TRMT10A: variants seen among roughly 807,000 people sequenced by gnomAD.
The protein encoded by TRMT10A is tRNA methyltransferase 10 homolog A.
TRMT10A carries 37 observed loss-of-function variants against 40.4 expected under a neutral mutation model. The ratio of observed to expected loss-of-function variants is 0.92; its 90% confidence interval spans 0.71 to 1.21. The LOEUF (loss-of-function observed/expected upper bound fraction) is 1.21. TRMT10A is among the 50% of genes most tolerant of loss of function. The pLI is 0.00. For missense variants in TRMT10A, 388 were observed against 404.3 expected (o/e 0.96, Z 0.35); for synonymous variants, 103 against 134.1 (o/e 0.77, Z 1.60).
At chr4:99,561,322 G>C (rs1435498639) in intron 1 of TRMT10A, among the ~76,000 whole-genome samples, 1 of 152,074 alleles carries the variant, frequency 6.6e-6, no homozygotes, top group Non-Finnish European at 1.5e-5. Flanking sequence ...ACACCAGGGG[G>C]AGCATATGCC....
intron 1 of TRMT10A, among the ~76,000 whole-genome samples, chr4:99,562,499 G>A (rs1006935691): frequency 6.9e-6 from 1 of 145,154 alleles, no homozygotes; most frequent in Non-Finnish European, 1.5e-5. Context: ...ACTTGACAGC[G>A]ATAGCAAAGG....
intron 7 of TRMT10A, 142 bp downstream of exon 7, chr4:99,550,743 T>C (rs1723928741): frequency 6.2e-6 from 4 of 647,820 alleles, no homozygotes; most frequent in Non-Finnish European, 1.0e-5. Context: ...ATTATTTCTG[T>C]TAAACAAATT....
intron 1 of TRMT10A, among the ~76,000 whole-genome samples, chr4:99,561,312 A>G (rs1483880657): frequency 6.6e-6 from 1 of 152,132 alleles, no homozygotes; most frequent in African/African-American, 2.4e-5. Flanking sequence ...CAGGTCATGT[A>G]CACCAGGGGG....
chr4:99,556,182 G>T lies in TRMT10A; in HGVS notation c.459C>A (p.Asn153Lys), dbSNP rs1444197398. The change falls in exon 5 of 8, where the codon AAC (asparagine) becomes AAA (lysine). Residue 153 changes from asparagine to lysine, a missense_variant. Physicochemically the swap from Asn to Lys is moderately conservative, Grantham distance 94. Coordinates refer to ENST00000394876, the MANE Select transcript of TRMT10A (RefSeq NM_001134665.3). ...CCCATCCTTTGTCATTTTCATCCATGTTCTTTTTCAGCTGGCCTCCGTGGC... is the reference window on the plus strand; with the variant it reads ...CCCATCCTTTGTCATTTTCATCCATTTTCTTTTTCAGCTGGCCTCCGTGGC... Reference protein sequence around the residue: ...LTSHGGQLKKNMDENDKGWVN... With the variant: ...LTSHGGQLKKKMDENDKGWVN... The T allele has an allele frequency of 6.2e-7, 1 of 1,613,508 alleles. No individual in the cohort carries two copies. Among genetic ancestry groups the T allele is most frequent in the Non-Finnish European group, 8.5e-7 (1 of 1,179,698 alleles).
intron 5 of TRMT10A, 95 bp downstream of exon 5, chr4:99,556,051 T>C: frequency 9.2e-7 from 1 of 1,091,662 alleles, no homozygotes; most frequent in East Asian, 2.5e-5. Context: ...GATTGTTGTA[T>C]TAAGTAGCAT....
chr4:99,556,309 C>A, intron 4 of TRMT10A, 89 bp from the exon 5 acceptor site: 2 of 1,125,784 alleles, frequency 1.8e-6, no homozygotes, highest in South Asian at 3.0e-5. Flanking sequence ...ATCTGACGAT[C>A]AATGAAACAC....
Position 99,559,354 on chromosome 4 carries a change from A to G in TRMT10A, c.-16T>C. On this transcript the variant is annotated 5_prime_UTR_variant, in exon 2 of 8. Transcript: ENST00000394876. The stretch of plus-strand genomic sequence containing the variant: ...CAGATGACATTATTTGGTGCCTCTG[A>G]AAAACAACTTTTGACATGAATAGAT... 2 of 1,597,688 alleles carry G rather than the reference A, an allele frequency of 1.3e-6. No homozygotes were observed. Among genetic ancestry groups the G allele is most frequent in the Non-Finnish European group, 1.7e-6 (2 of 1,170,696 alleles).
chr4:99,549,583 A>C (rs1297025666), intron 7 of TRMT10A, among the ~76,000 whole-genome samples: 1 of 152,132 alleles, frequency 6.6e-6, no homozygotes, highest in Non-Finnish European at 1.5e-5. Context: ...AGCACTCAGA[A>C]ATTTACCAGT....
intron 1 of TRMT10A, among the ~76,000 whole-genome samples, chr4:99,560,843 A>T (rs1249665607): frequency 1.3e-5 from 2 of 152,196 alleles, no homozygotes; most frequent in Admixed American, 6.5e-5. Flanking sequence ...TCTCTTCATG[A>T]AATAATAATA....
chr4:99,562,947 C>CA (rs751293688), intron 1 of TRMT10A, among the ~76,000 whole-genome samples: 2 of 151,776 alleles, frequency 1.3e-5, no homozygotes, highest in African/African-American at 2.4e-5. Flanking sequence ...TCAGCCCCCC[C>CA]AGTAGCTGGG....
At chr4:99,561,451 C>T (rs1322032825) in intron 1 of TRMT10A, among the ~76,000 whole-genome samples, 2 of 151,886 alleles carry the variant, frequency 1.3e-5, no homozygotes, top group Non-Finnish European at 2.9e-5. Context: ...TCATCATCAT[C>T]ATCATCTTTT....
intron 3 of TRMT10A, 153 bp from the exon 4 acceptor site, chr4:99,557,569 T>A (rs1724213270): frequency 1.6e-6 from 1 of 607,236 alleles, no homozygotes; most frequent in African/African-American, 1.9e-5. Flanking sequence ...TTATTTGATT[T>A]CCTTACATAC....
intron 5 of TRMT10A, among the ~76,000 whole-genome samples, chr4:99,554,337 C>T (rs747781789): frequency 7.2e-5 from 11 of 152,272 alleles, no homozygotes; most frequent in East Asian, 1.9e-4. Context: ...ACAAAACAAA[C>T]GCATTTTTAC....
intron 6 of TRMT10A, among the ~76,000 whole-genome samples, chr4:99,551,196 T>G (rs1394742171): frequency 6.6e-6 from 1 of 152,200 alleles, no homozygotes; most frequent in African/African-American, 2.4e-5. Flanking sequence ...AGAGCATTTG[T>G]TTTAAGCTCC....
At chr4:99,563,593 C>T (rs988083660) in intron 1 of TRMT10A, 2 of 274,290 alleles carry the variant, frequency 7.3e-6, no homozygotes, top group African/African-American at 2.2e-5. Flanking sequence ...AACCCCAAAA[C>T]ACACGCCGAC....
intron 6 of TRMT10A, among the ~76,000 whole-genome samples, chr4:99,553,115 C>T (rs1020875772): frequency 6.6e-6 from 1 of 152,102 alleles, no homozygotes; most frequent in African/African-American, 2.4e-5. Context: ...TGTGTGACTA[C>T]TTAAATTTAA....
chr4:99,547,484 ATAAT>A lies in TRMT10A; in HGVS notation c.*1600_*1603del, dbSNP rs1314892132. The A allele has an allele frequency of 6.6e-6, 1 of 152,168 alleles. No individual in the cohort carries two copies. The highest frequency in any genetic ancestry group is 2.4e-5 in the African/African-American group (1 of 41,450). 9.4% of individuals were successfully genotyped at this position (152,168 alleles called of 1,614,324 possible). On this transcript the variant is annotated 3_prime_UTR_variant, in exon 8 of 8. Coordinates refer to ENST00000394876, the MANE Select transcript of TRMT10A (RefSeq NM_001134665.3). ...TATTTGGAATGATTTTCCCCCTTTC[ATAAT>A]TAAACAGTGCCCTATTTTACATAAA...
chr4:99,555,747 T>C (rs1304123978), intron 5 of TRMT10A, among the ~76,000 whole-genome samples: 1 of 152,146 alleles, frequency 6.6e-6, no homozygotes, highest in South Asian at 2.1e-4. Context: ...TCAAGTTCAA[T>C]AGCCACATGT....
chr4:99,546,733 T>A lies in TRMT10A; in HGVS notation c.*2355A>T, dbSNP rs1723751066. 1 of 152,156 alleles carries A rather than the reference T, an allele frequency of 6.6e-6. No homozygotes were observed. The highest frequency in any genetic ancestry group is 6.6e-5 in the Admixed American group (1 of 15,258). The allele number at this position is 152,156 out of a possible 1,614,324, so 9.4% of individuals were successfully genotyped here. A position where few individuals can be genotyped will look rare whatever the true frequency, so the allele number is the denominator to read the frequency against. On this transcript the variant is annotated 3_prime_UTR_variant, in exon 8 of 8. Coordinates refer to ENST00000394876, the MANE Select transcript of TRMT10A (RefSeq NM_001134665.3). ...ATATTTTTTGATGCATTTATTTAGG[T>A]AGTTTAATTCTCTACTTTTATTATG...
Sources: allele counts gnomAD v4.1 joint callset (sites outside exome capture counted in the v4.1 genomes callset), GRCh38; gene constraint gnomAD v4.1.1; transcripts MANE v1.5; gene names NCBI Gene and HGNC (gene_info 2026-07-23, HGNC 2026-07-21).